ACAP2: variants seen among roughly 807,000 people sequenced by gnomAD.
ACAP2 encodes ArfGAP with coiled-coil, ankyrin repeat and PH domains 2.
Under a neutral mutation model 115.8 loss-of-function variants are expected in ACAP2, and 39 were observed. The observed-to-expected ratio is 0.34, with a 90% CI of 0.26 to 0.44. The LOEUF (loss-of-function observed/expected upper bound fraction) is 0.44, where lower values mean the gene tolerates loss of function less well. Ranked by LOEUF, ACAP2 falls within the 20% of genes least tolerant of loss-of-function variation. The probability of loss-of-function intolerance (pLI) is 1.00; values close to 1 mark genes in which losing one functional copy is unlikely to be tolerated. For synonymous variants in ACAP2, 289 were observed against 315.8 expected (o/e 0.92, Z 0.90); for missense variants, 662 against 927.6 (o/e 0.71, Z 3.72).
chr3:195,289,311 ACTT>A, intron 20 of ACAP2, 80 bp from the exon 21 acceptor site: 1 of 886,804 alleles, frequency 1.1e-6, no homozygotes, highest in Non-Finnish European at 1.8e-6. Context: ...AAAAAGTACT[ACTT>A]AAGTAACATT....
intron 4 of ACAP2, among the ~76,000 whole-genome samples, chr3:195,373,861 G>A (rs936826135): frequency 6.6e-6 from 1 of 152,016 alleles, no homozygotes; most frequent in African/African-American, 2.4e-5. Flanking sequence ...AGAGGTGGAG[G>A]TTGCAGAGAA....
chr3:195,304,163 C>CAAAA lies in ACAP2; in HGVS notation c.1117-1993_1117-1990dup, dbSNP rs56055597. Among the ~76,000 whole-genome samples, 50 of 63,274 alleles carry CAAAA rather than the reference C, an allele frequency of 7.9e-4. 2 individuals are homozygous for CAAAA. Among genetic ancestry groups the CAAAA allele is most frequent in the Admixed American group, 1.0e-3 (4 of 3,858 alleles). The allele number at this position is 63,274 out of a possible 152,430, so 41.5% of individuals were successfully genotyped here. On this transcript the variant is annotated intron_variant, in intron 13 of 22. Coordinates refer to ENST00000326793, the MANE Select transcript of ACAP2 (RefSeq NM_012287.6). ...TGGGCAATGGAGTGAGACTCCATCT[C>CAAAA]AAAAAAAAAAAAAAAAAAAAAAAAA...
intron 6 of ACAP2, 89 bp downstream of exon 6, chr3:195,342,382 T>C: frequency 7.9e-7 from 1 of 1,266,452 alleles, no homozygotes; most frequent in Non-Finnish European, 1.1e-6. Context: ...AGAGTAAAAG[T>C]ATTTATTCTT....
chr3:195,426,580 C>T (rs1424140609), intron 1 of ACAP2, among the ~76,000 whole-genome samples: 1 of 152,154 alleles, frequency 6.6e-6, no homozygotes, highest in Non-Finnish European at 1.5e-5. Context: ...AACAACTTCA[C>T]AGAATATACG....
intron 4 of ACAP2, among the ~76,000 whole-genome samples, chr3:195,352,337 C>T (rs1272491959): frequency 6.6e-6 from 1 of 152,176 alleles, no homozygotes; most frequent in Non-Finnish European, 1.5e-5. Context: ...CACCTAACAA[C>T]ACATTTCTCA....
At chr3:195,371,911 G>A (rs759454791) in intron 4 of ACAP2, among the ~76,000 whole-genome samples, 5 of 151,986 alleles carry the variant, frequency 3.3e-5, no homozygotes, top group Non-Finnish European at 7.4e-5. Context: ...CACCTGCCTC[G>A]GCCTCCCAAA....
intron 1 of ACAP2, among the ~76,000 whole-genome samples, chr3:195,439,191 CTT>C (rs3072388): frequency 1.6e-4 from 21 of 133,244 alleles, no homozygotes; most frequent in Admixed American, 2.3e-4. Context: ...AGGCTAAGGC[CTT>C]TTTTTTTTTT....
intron 10 of ACAP2, among the ~76,000 whole-genome samples, chr3:195,315,031 T>C (rs1728997893): frequency 6.6e-6 from 1 of 152,224 alleles, no homozygotes; most frequent in African/African-American, 2.4e-5. Context: ...ACTGATTGGC[T>C]GATTGAGACA....
At chr3:195,384,565 A>C (rs1734163752) in intron 2 of ACAP2, among the ~76,000 whole-genome samples, 1 of 152,114 alleles carries the variant, frequency 6.6e-6, no homozygotes, top group Non-Finnish European at 1.5e-5. Context: ...CACCTCTACT[A>C]AAAATACAAA....
At chr3:195,402,080 A>G (rs568992867) in intron 1 of ACAP2, among the ~76,000 whole-genome samples, 77 of 152,296 alleles carry the variant, frequency 5.1e-4, no homozygotes, top group Non-Finnish European at 9.1e-4. Context: ...AGCGCCTGAC[A>G]TTCAATTTAC....
At chr3:195,339,430 T>A (rs539608891) in intron 6 of ACAP2, among the ~76,000 whole-genome samples, 1 of 150,990 alleles carries the variant, frequency 6.6e-6, no homozygotes, top group Non-Finnish European at 1.5e-5. Flanking sequence ...TTAAGTGCTA[T>A]ATAAAATTTT....
At chr3:195,290,891 T>C (rs1452420812) in intron 20 of ACAP2, among the ~76,000 whole-genome samples, 1 of 150,920 alleles carries the variant, frequency 6.6e-6, no homozygotes, top group East Asian at 1.9e-4. Context: ...CCAGACACAG[T>C]GGCTCACACC....
At chr3:195,380,823 T>G (rs1733892023) in intron 4 of ACAP2, among the ~76,000 whole-genome samples, 186 bp downstream of exon 4, 1 of 152,104 alleles carries the variant, frequency 6.6e-6, no homozygotes, top group Admixed American at 6.6e-5. Flanking sequence ...TTCACAGGCA[T>G]GCATGCACAC....
At chr3:195,433,030 T>C (rs527985766) in intron 1 of ACAP2, among the ~76,000 whole-genome samples, 5 of 152,310 alleles carry the variant, frequency 3.3e-5, no homozygotes, top group Non-Finnish European at 5.9e-5. Flanking sequence ...GTGGATTCCT[T>C]AGCATTTTCT....
chr3:195,442,891 CG>C lies in ACAP2; in HGVS notation c.-45del. The C allele has an allele frequency of 6.7e-7, 1 of 1,491,042 alleles. No individual in the cohort carries two copies. The highest frequency in any genetic ancestry group is 8.9e-7 in the Non-Finnish European group (1 of 1,120,874). The allele number at this position is 1,491,042 out of a possible 1,614,324, so 92.4% of individuals were successfully genotyped here. On this transcript the variant is annotated 5_prime_UTR_variant, in exon 1 of 23. Transcript: ENST00000326793. ...GCGGCGCTGGCAAAGCCGAGGGGGC[CG>C]CGGGAGCGGCCGCGCTGGGACGCAG...
At chr3:195,379,105 T>C (rs1209227753) in intron 4 of ACAP2, among the ~76,000 whole-genome samples, 1 of 151,976 alleles carries the variant, frequency 6.6e-6, no homozygotes, top group Non-Finnish European at 1.5e-5. Flanking sequence ...AAATCAAATA[T>C]ACCAAACACT....
Position 195,315,515 on chromosome 3 carries a change from T to C in ACAP2, c.857+5186A>G, listed in dbSNP as rs76003868. ...TCTTGTTCTATCAAAATAAAGATGG[T>C]TTGGAATTTTCACAGCAAGTAAGAA... On this transcript the variant is annotated intron_variant, in intron 10 of 22. Transcript: ENST00000326793. Among the ~76,000 whole-genome samples the C allele has an allele frequency of 3.4e-3, 517 of 152,352 alleles. 3 individuals are homozygous for C. Among genetic ancestry groups the C allele is most frequent in the Non-Finnish European group, 6.2e-3 (424 of 68,028 alleles).
intron 1 of ACAP2, among the ~76,000 whole-genome samples, chr3:195,397,673 A>G (rs1711916900): frequency 1.3e-5 from 2 of 152,174 alleles, no homozygotes; most frequent in African/African-American, 4.8e-5. Context: ...TGTAATGATG[A>G]ACAAGTTGTG....
intron 12 of ACAP2, 145 bp from the exon 13 acceptor site, chr3:195,306,761 G>A: frequency 5.7e-6 from 3 of 522,640 alleles, no homozygotes; most frequent in South Asian, 2.7e-5. Flanking sequence ...TTTATTTCAT[G>A]TATCTTTAGG....
Sources: gnomAD v4.1 joint callset for allele counts (sites outside exome capture counted in the v4.1 genomes callset) on GRCh38, gnomAD v4.1.1 for gene constraint, MANE v1.5 for transcripts, NCBI Gene and HGNC (gene_info 2026-07-23, HGNC 2026-07-21) for gene names.